NRF1: variants seen among roughly 807,000 people sequenced by gnomAD.
NRF1 encodes nuclear respiratory factor 1, also known as alpha palindromic-binding protein.
NRF1 carries 5 observed loss-of-function variants against 58.5 expected under a neutral mutation model. The ratio of observed to expected loss-of-function variants is 0.09; its 90% confidence interval spans 0.04 to 0.18. The LOEUF (loss-of-function observed/expected upper bound fraction) is 0.18. Ranked by LOEUF, NRF1 falls within the 10% of genes least tolerant of loss-of-function variation. The pLI is 1.00. For synonymous variants in NRF1, 224 were observed against 246.7 expected, an observed-to-expected ratio of 0.91 and a Z score of 0.86; for missense variants, 288 against 657.7, an observed-to-expected ratio of 0.44 and a Z score of 6.15.
chr7:129,683,011 A>G (rs1254706402), intron 4 of NRF1, among the ~76,000 whole-genome samples: 2 of 151,840 alleles, frequency 1.3e-5, no homozygotes, highest in Non-Finnish European at 2.9e-5. Context: ...GCTCACTGCA[A>G]CCTCTGCCTC....
At chr7:129,632,327 C>T (rs557125711) in intron 1 of NRF1, among the ~76,000 whole-genome samples, 1 of 152,072 alleles carries the variant, frequency 6.6e-6, no homozygotes, top group Non-Finnish European at 1.5e-5. Context: ...TTACTCAGTA[C>T]TATAACCCCA....
At chr7:129,656,253 GAC>G (rs1465651229) in intron 1 of NRF1, among the ~76,000 whole-genome samples, 1 of 152,022 alleles carries the variant, frequency 6.6e-6, no homozygotes, top group Non-Finnish European at 1.5e-5. Flanking sequence ...TATAAATTAT[GAC>G]ACATGCATAT....
At chr7:129,728,332 A>G (rs1803496264) in intron 10 of NRF1, among the ~76,000 whole-genome samples, 1 of 152,088 alleles carries the variant, frequency 6.6e-6, no homozygotes, top group African/African-American at 2.4e-5. Context: ...CAGCCTGGCC[A>G]ACATGGCAAA....
intron 10 of NRF1, among the ~76,000 whole-genome samples, chr7:129,748,932 A>AATG (rs1260783931): frequency 6.6e-6 from 1 of 152,246 alleles, no homozygotes; most frequent in Non-Finnish European, 1.5e-5. Flanking sequence ...TTGGCTCATG[A>AATG]ATGATAAATC....
At chr7:129,649,701 G>C (rs1392375912) in intron 1 of NRF1, among the ~76,000 whole-genome samples, 1 of 152,066 alleles carries the variant, frequency 6.6e-6, no homozygotes, top group Non-Finnish European at 1.5e-5. Flanking sequence ...CTGTACCAGA[G>C]AGTACCCCTA....
intron 5 of NRF1, among the ~76,000 whole-genome samples, chr7:129,706,550 C>T (rs576907467): frequency 2.0e-5 from 3 of 151,938 alleles, no homozygotes; most frequent in Non-Finnish European, 4.4e-5. Context: ...TTTGAGTGGC[C>T]GGGGAAAGGG....
intron 5 of NRF1, among the ~76,000 whole-genome samples, chr7:129,696,997 G>C (rs1479599275): frequency 6.6e-6 from 1 of 152,020 alleles, no homozygotes; most frequent in African/African-American, 2.4e-5. Flanking sequence ...ATAAAATTTG[G>C]TGTAGGAAAA....
chr7:129,717,300 G>T lies in NRF1; in HGVS notation c.1147G>T (p.Ala383Ser). 6.2e-7 allele frequency: 1 copy of T among 1,614,058 alleles called. No homozygotes were observed. Among genetic ancestry groups the T allele is most frequent in the Non-Finnish European group, 8.5e-7 (1 of 1,179,974 alleles). Residue 383 changes from alanine (A) to serine (S), a missense_variant, in exon 9 of 11, where the codon GCA becomes TCA. Ala to Ser is a moderately conservative substitution (Grantham distance 99, BLOSUM62 1). Around this residue, in one of 3 missense-constraint regions of NRF1, gnomAD observed 212 missense variants for 559.7 expected, o/e 0.38. Coordinates refer to ENST00000393232, the MANE Select transcript of NRF1 (RefSeq NM_005011.5). ...TQASEATQAV[A>S]SLAEAAVAAS... Reference sequence around the variant, plus strand: ...AGCATCAGAGGCCACCCAGGCGGTGGCATCGTTGGCAGAGGCCGCAGTGGC... The same window carrying T: ...AGCATCAGAGGCCACCCAGGCGGTGTCATCGTTGGCAGAGGCCGCAGTGGC...
At chr7:129,708,930 A>G (rs2116189228) in intron 5 of NRF1, 145 bp from the exon 6 acceptor site, 1 of 590,178 alleles carries the variant, frequency 1.7e-6, no homozygotes, top group Non-Finnish European at 2.7e-6. Context: ...CCTATGGAAA[A>G]CAGTGGGTTT....
chr7:129,701,951 G>C (rs1802835081), intron 5 of NRF1, among the ~76,000 whole-genome samples: 1 of 152,092 alleles, frequency 6.6e-6, no homozygotes, highest in Non-Finnish European at 1.5e-5. Context: ...ATGTTGAGTG[G>C]AAAAAACAAG....
intron 9 of NRF1, among the ~76,000 whole-genome samples, chr7:129,718,892 A>G (rs144316308): frequency 1.3e-5 from 2 of 152,340 alleles, no homozygotes; most frequent in Admixed American, 6.5e-5. Context: ...TAATGAGGAT[A>G]AGACTCATCA....
intron 3 of NRF1, among the ~76,000 whole-genome samples, chr7:129,677,337 T>C (rs1207489031): frequency 6.6e-6 from 1 of 152,240 alleles, no homozygotes; most frequent in East Asian, 1.9e-4. Context: ...TTTATAATTG[T>C]AAGTAGCAGT....
At chr7:129,651,283 TTGG>T (rs1420031670) in intron 1 of NRF1, among the ~76,000 whole-genome samples, 1 of 151,872 alleles carries the variant, frequency 6.6e-6, no homozygotes, top group Non-Finnish European at 1.5e-5. Context: ...TCAGCTGGGC[TTGG>T]TGGTGCACTT....
chr7:129,718,790 G>T (rs910936951), intron 9 of NRF1, among the ~76,000 whole-genome samples: 10 of 152,136 alleles, frequency 6.6e-5, no homozygotes, highest in Non-Finnish European at 1.3e-4. Flanking sequence ...TGAGAGCAGG[G>T]TTCCAACGTC....
intron 10 of NRF1, among the ~76,000 whole-genome samples, chr7:129,754,180 G>C (rs1208513130): frequency 6.6e-6 from 1 of 151,840 alleles, no homozygotes; most frequent in African/African-American, 2.4e-5. Flanking sequence ...AATCAAAATG[G>C]TCAGGGTTGG....
chr7:129,695,432 C>G (rs1261076327), intron 5 of NRF1, among the ~76,000 whole-genome samples: 1 of 151,934 alleles, frequency 6.6e-6, no homozygotes, highest in Non-Finnish European at 1.5e-5. Flanking sequence ...CAAAAATCAG[C>G]CAGGTGTGGT....
intron 5 of NRF1, among the ~76,000 whole-genome samples, chr7:129,696,533 T>C (rs2151096164): frequency 6.6e-6 from 1 of 152,338 alleles, no homozygotes; most frequent in South Asian, 2.1e-4. Context: ...AAAGAACAAG[T>C]ACATTTTACT....
chr7:129,728,657 A>G (rs1329373651), intron 10 of NRF1, among the ~76,000 whole-genome samples: 1 of 152,130 alleles, frequency 6.6e-6, no homozygotes, highest in Non-Finnish European at 1.5e-5. Flanking sequence ...GAAGAAAGAC[A>G]TAGTGCTGTG....
rs180688995 is a variant in NRF1 at position 129,632,639 on chromosome 7, A to G, written c.-7+20815A>G. ...TCTGTATATATATATGTATCCACTG[A>G]AAAAAAAAACAATGTTTGGATTGCA... On this transcript the variant is annotated intron_variant, in intron 1 of 10. Transcript: ENST00000393232. Among the ~76,000 whole-genome samples the G allele has an allele frequency of 2.6e-3, 389 of 148,784 alleles. 3 individuals are homozygous for G. The highest frequency in any genetic ancestry group is 8.2e-3 in the African/African-American group (335 of 40,730).
Sources: gnomAD v4.1 joint callset for allele counts (sites outside exome capture counted in the v4.1 genomes callset) on GRCh38, gnomAD v4.1.1 for gene constraint, gnomAD v4.1.1 regional missense constraint, MANE v1.5 for transcripts, NCBI Gene and HGNC (gene_info 2026-07-23, HGNC 2026-07-21) for gene names.